KCTD1: variants seen among roughly 807,000 people sequenced by gnomAD.
KCTD1 encodes potassium channel tetramerization domain containing 1, also known as BTB/POZ domain-containing protein KCTD1.
Under a neutral mutation model 66.0 loss-of-function variants are expected in KCTD1, and 24 were observed. The ratio of observed to expected loss-of-function variants is 0.36; its 90% CI spans 0.26 to 0.51. The LOEUF (loss-of-function observed/expected upper bound fraction) is 0.51. KCTD1 is among the 20% of genes least tolerant of loss of function. KCTD1 has a pLI of 0.95. For missense variants in KCTD1, 943 were observed against 1,205.2 expected (o/e 0.78, Z 3.22); for synonymous variants, 511 against 517.2 (o/e 0.99, Z 0.16).
chr18:26,528,634 GCTCCCT>G (rs1984284994), intron 1 of KCTD1, among the ~76,000 whole-genome samples: 3 of 151,970 alleles, frequency 2.0e-5, no homozygotes, highest in Non-Finnish European at 4.4e-5. Context: ...CACCTCTCAG[GCTCCCT>G]CAATTCTCGC....
intron 1 of KCTD1, among the ~76,000 whole-genome samples, chr18:26,536,991 C>A (rs1984740988): frequency 6.6e-6 from 1 of 151,142 alleles, no homozygotes; most frequent in South Asian, 2.1e-4. Context: ...TAAAGTGATC[C>A]TGAAAAAAAT....
chr18:26,514,919 G>A (rs1282583403), intron 1 of KCTD1, among the ~76,000 whole-genome samples: 1 of 152,210 alleles, frequency 6.6e-6, no homozygotes. Flanking sequence ...GCAGATGGGT[G>A]AGAAGATATC....
At chr18:26,470,774 C>T (rs1981015319) in intron 3 of KCTD1, among the ~76,000 whole-genome samples, 1 of 152,204 alleles carries the variant, frequency 6.6e-6, no homozygotes, top group Non-Finnish European at 1.5e-5. Context: ...TGAGCCTAAG[C>T]TACACCAGGC....
intron 1 of KCTD1, among the ~76,000 whole-genome samples, chr18:26,638,036 T>C (rs1987760261): frequency 6.6e-6 from 1 of 152,220 alleles, no homozygotes; most frequent in Non-Finnish European, 1.5e-5. Flanking sequence ...CTCCCATATA[T>C]ACATAGTTTG....
At chr18:26,517,278 A>G (rs1983699029) in intron 1 of KCTD1, among the ~76,000 whole-genome samples, 1 of 152,122 alleles carries the variant, frequency 6.6e-6, no homozygotes, top group Non-Finnish European at 1.5e-5. Flanking sequence ...CTGGTGGGAG[A>G]TAATTGAATC....
At chr18:26,514,547 CTCAAAAAAAAAA>C (rs1567975977) in intron 1 of KCTD1, among the ~76,000 whole-genome samples, 1 of 81,032 alleles carries the variant, frequency 1.2e-5, no homozygotes, top group Non-Finnish European at 2.3e-5. Flanking sequence ...GAGACCTTGT[CTCAAAAAAAAAA>C]AAAAAAAAAA....
At chr18:26,485,692 C>T (rs1263180028) in intron 2 of KCTD1, among the ~76,000 whole-genome samples, 1 of 152,052 alleles carries the variant, frequency 6.6e-6, no homozygotes, top group Non-Finnish European at 1.5e-5. Context: ...TTTATTTGGG[C>T]AGGCAAGCAT....
intron 1 of KCTD1, among the ~76,000 whole-genome samples, chr18:26,562,424 G>A (rs1246148338): frequency 2.7e-5 from 4 of 149,082 alleles, no homozygotes; most frequent in South Asian, 2.2e-4. Flanking sequence ...TGTGAAGCCC[G>A]GTGGGGGGTG....
At chr18:26,467,798 G>C (rs865790917) in intron 3 of KCTD1, among the ~76,000 whole-genome samples, 2 of 152,116 alleles carry the variant, frequency 1.3e-5, no homozygotes, top group African/African-American at 4.8e-5. Context: ...CTGGGTGACA[G>C]AGCGAGACCC....
At chr18:26,510,489 G>A (rs1007387097) in intron 1 of KCTD1, among the ~76,000 whole-genome samples, 1 of 152,200 alleles carries the variant, frequency 6.6e-6, no homozygotes, top group Admixed American at 6.5e-5. Context: ...AGGACAAGGC[G>A]TTACTGCTGT....
intron 1 of KCTD1, among the ~76,000 whole-genome samples, chr18:26,539,867 A>T (rs1023958254): frequency 1.3e-5 from 2 of 152,204 alleles, no homozygotes; most frequent in Admixed American, 6.5e-5. Context: ...AAAATGAAGG[A>T]TTTTTTCAAA....
At chr18:26,601,995 G>A (rs1410782494) in intron 1 of KCTD1, among the ~76,000 whole-genome samples, 1 of 151,670 alleles carries the variant, frequency 6.6e-6, no homozygotes, top group African/African-American at 2.4e-5. Context: ...TTGCCTAATT[G>A]CCCTTACCAG....
intron 1 of KCTD1, among the ~76,000 whole-genome samples, chr18:26,653,489 C>T (rs745362355): frequency 6.6e-6 from 1 of 152,188 alleles, no homozygotes; most frequent in Non-Finnish European, 1.5e-5. Context: ...TCCTTCAAAG[C>T]ACTCATCTCT....
chr18:26,493,675 T>A (rs1982323137), intron 2 of KCTD1, among the ~76,000 whole-genome samples: 1 of 152,212 alleles, frequency 6.6e-6, no homozygotes, highest in Non-Finnish European at 1.5e-5. Context: ...ATCCATCCCC[T>A]CGAGCATTTA....
chr18:26,549,190 G>C, upstream of KCTD1: 1 of 985,862 alleles, frequency 1.0e-6, no homozygotes, highest in East Asian at 1.1e-4. Flanking sequence ...GGGCGCAGCG[G>C]GCGAGGCTTG....
chr18:26,510,294 C>T lies in KCTD1; in HGVS notation c.1810-9044G>A, dbSNP rs1307756341. On this transcript the variant is annotated intron_variant, in intron 1 of 4. Transcript: ENST00000580059. Reference sequence around the variant, plus strand: ...GAATGAAATCATCACAGTAGGTTCACGAAATGGCACTTGAGCTGTATTACT... The same window carrying T: ...GAATGAAATCATCACAGTAGGTTCATGAAATGGCACTTGAGCTGTATTACT... 5.3e-5 allele frequency among the ~76,000 whole-genome samples: 8 copies of T among 152,176 alleles called. No homozygotes were observed. In the East Asian group the frequency reaches 9.6e-4, roughly 18 times the overall value.
chr18:26,525,175 T>C (rs1281929440), intron 1 of KCTD1, among the ~76,000 whole-genome samples: 1 of 152,206 alleles, frequency 6.6e-6, no homozygotes, highest in African/African-American at 2.4e-5. Context: ...TTTCTATCAG[T>C]ATGGACTTTC....
intron 1 of KCTD1, among the ~76,000 whole-genome samples, chr18:26,648,097 C>T (rs1303854620): frequency 1.3e-5 from 2 of 152,126 alleles, no homozygotes; most frequent in Non-Finnish European, 2.9e-5. Flanking sequence ...CCACCCACCT[C>T]GGCCTCCCAA....
chr18:26,533,535 T>C (rs1385714817), intron 1 of KCTD1, among the ~76,000 whole-genome samples: 3 of 152,206 alleles, frequency 2.0e-5, no homozygotes, highest in Non-Finnish European at 2.9e-5. Context: ...TTGTTTCCTC[T>C]GTAGCGCAGG....
Sources: allele counts gnomAD v4.1 joint callset (sites outside exome capture counted in the v4.1 genomes callset), GRCh38; gene constraint gnomAD v4.1.1; transcripts MANE v1.5; gene names NCBI Gene and HGNC (gene_info 2026-07-23, HGNC 2026-07-21).